The following GOLGA4 variants were observed in gnomAD, a reference collection of about 807,000 sequenced individuals.
GOLGA4 encodes the protein golgin A4.
A neutral mutation model predicts 265.9 loss-of-function variants in GOLGA4; 169 were observed. The observed-to-expected ratio is 0.64, with a 90% CI of 0.56 to 0.72. GOLGA4 has a LOEUF of 0.72. Ranked by LOEUF, GOLGA4 falls within the 30% of genes least tolerant of loss-of-function variation. GOLGA4 has a pLI of 0.00. For missense variants in GOLGA4, 2,482 were observed against 2,483.4 expected (o/e 1.00, Z 0.01); for synonymous variants, 923 against 855.8 (o/e 1.08, Z -1.37).
chr3:37,251,050 G>A (rs552499521), intron 1 of GOLGA4, among the ~76,000 whole-genome samples: 4 of 152,020 alleles, frequency 2.6e-5, no homozygotes, highest in Non-Finnish European at 5.9e-5. Flanking sequence ...TAAAGATAGT[G>A]CAGAGAGTTT....
intron 2 of GOLGA4, among the ~76,000 whole-genome samples, chr3:37,264,538 A>G (rs2096778468): frequency 1.3e-5 from 2 of 152,242 alleles, no homozygotes; most frequent in African/African-American, 2.4e-5. Context: ...TCTCTAATGT[A>G]GGACCAAATG....
chr3:37,342,540 T>A (rs955706004), intron 20 of GOLGA4, among the ~76,000 whole-genome samples: 1 of 152,312 alleles, frequency 6.6e-6, no homozygotes, highest in Middle Eastern at 3.4e-3. Context: ...TCAAGCAATA[T>A]TTTGTTTAGA....
intron 10 of GOLGA4, among the ~76,000 whole-genome samples, chr3:37,310,176 A>G (rs1486162742): frequency 6.6e-6 from 1 of 152,136 alleles, no homozygotes; most frequent in Admixed American, 6.5e-5. Flanking sequence ...TTTATTTCCT[A>G]CACTGGGAGT....
chr3:37,303,445 T>A (rs1436789559), intron 10 of GOLGA4, among the ~76,000 whole-genome samples: 1 of 152,198 alleles, frequency 6.6e-6, no homozygotes, highest in Non-Finnish European at 1.5e-5. Context: ...GGACTCTAAA[T>A]TGACTCCAAA....
chr3:37,249,361 A>G (rs2096727844), intron 1 of GOLGA4, among the ~76,000 whole-genome samples: 1 of 152,136 alleles, frequency 6.6e-6, no homozygotes, highest in Non-Finnish European at 1.5e-5. Context: ...TTTTCTAGAC[A>G]TTTAAACCAT....
In GOLGA4 at chr3:37,326,742, A is replaced by T. The variant is rs746782458; in HGVS notation, c.4856A>T (p.Glu1619Val). 3.1e-6 allele frequency: 5 copies of T among 1,613,626 alleles called. No homozygotes were observed. The highest frequency in any genetic ancestry group is 4.2e-6 in the Non-Finnish European group (5 of 1,179,724). ...GTGAATTTAAGTGTGAAAAGCAAAG[A>T]GGAGGAGTTAAAGGCATTGGAAGAT... ...EHVNLSVKSK[E>V]EELKALEDRL... The change falls in exon 14 of 24, where the codon GAG becomes GTG. Residue 1619 changes from glutamate to valine, a missense_variant. By Grantham distance (121) the Glu-to-Val change is moderately radical (BLOSUM62 -2). Around this residue, in one of 3 missense-constraint regions of GOLGA4, gnomAD observed 942 missense variants for 983.1 expected, o/e 0.96. Transcript: ENST00000361924.
At chr3:37,295,376 G>A (rs1157317481) in intron 6 of GOLGA4, among the ~76,000 whole-genome samples, 17 of 151,866 alleles carry the variant, frequency 1.1e-4, no homozygotes, top group Admixed American at 1.1e-3. Context: ...ATGCCACCAC[G>A]CCCAGCTAAT....
intron 21 of GOLGA4, among the ~76,000 whole-genome samples, chr3:37,349,561 G>C (rs578174820): frequency 6.6e-6 from 1 of 152,270 alleles, no homozygotes; most frequent in South Asian, 2.1e-4. Context: ...ACTTAAGGCT[G>C]CACAGAGAAT....
intron 11 of GOLGA4, among the ~76,000 whole-genome samples, chr3:37,318,720 C>T (rs928030319): frequency 7.2e-5 from 11 of 152,130 alleles, no homozygotes; most frequent in African/African-American, 1.2e-4. Flanking sequence ...GCAGCGAGGG[C>T]GCACCTTCAC....
chr3:37,267,212 C>T (rs2096786143), intron 2 of GOLGA4, among the ~76,000 whole-genome samples: 1 of 152,144 alleles, frequency 6.6e-6, no homozygotes, highest in African/African-American at 2.4e-5. Context: ...CTTACTCTAA[C>T]CTCTTTTTTT....
At chr3:37,263,170 A>G (rs572733894) in intron 2 of GOLGA4, among the ~76,000 whole-genome samples, 1 of 152,318 alleles carries the variant, frequency 6.6e-6, no homozygotes, top group South Asian at 2.1e-4. Flanking sequence ...TATTACAGCC[A>G]CCTACGATGT....
At chr3:37,310,718 A>AGTGT (rs200337682) in intron 10 of GOLGA4, among the ~76,000 whole-genome samples, 1 of 151,370 alleles carries the variant, frequency 6.6e-6, no homozygotes, top group Non-Finnish European at 1.5e-5. Flanking sequence ...GTATTTTTAA[A>AGTGT]GTGTGTGTGT....
intron 1 of GOLGA4, among the ~76,000 whole-genome samples, chr3:37,250,781 T>G (rs1425991060): frequency 6.6e-6 from 1 of 152,118 alleles, no homozygotes; most frequent in Non-Finnish European, 1.5e-5. Context: ...CTCCTGAGTT[T>G]TTTTGCGCTG....
rs1203456602 is a variant in GOLGA4 at position 37,340,113 on chromosome 3, G to T, written c.6397-11G>T. 9.2e-7 allele frequency: 1 copy of T among 1,084,754 alleles called. No homozygotes were observed. The highest frequency in any genetic ancestry group is 2.0e-5 in the Admixed American group (1 of 51,254). The allele number at this position is 1,084,754 out of a possible 1,614,324, so 67.2% of individuals were successfully genotyped here. A position where few individuals can be genotyped will look rare whatever the true frequency, so the allele number is the denominator to read the frequency against. On this transcript the variant is annotated splice_polypyrimidine_tract_variant and intron_variant, in intron 19 of 23. Transcript: ENST00000361924. The stretch of plus-strand genomic sequence containing the variant: ...TGAATCTTATATGGTCTGATTATTT[G>T]TTATTTTTAGATTCACAATTTAGAA...
intron 5 of GOLGA4, among the ~76,000 whole-genome samples, chr3:37,290,963 T>G (rs1044171717): frequency 1.8e-4 from 28 of 152,216 alleles, no homozygotes; most frequent in African/African-American, 6.8e-4. Flanking sequence ...AATATCTTTT[T>G]GCTTAACATT....
chr3:37,354,202 C>G (rs550191158), intron 21 of GOLGA4, among the ~76,000 whole-genome samples: 2 of 152,018 alleles, frequency 1.3e-5, no homozygotes, highest in South Asian at 4.2e-4. Flanking sequence ...AGATCACTTC[C>G]ACTCTTCTCC....
chr3:37,339,707 T>A (rs768846874), intron 19 of GOLGA4, among the ~76,000 whole-genome samples: 1 of 152,220 alleles, frequency 6.6e-6, no homozygotes, highest in Non-Finnish European at 1.5e-5. Flanking sequence ...TCTACTCAAG[T>A]CCTTTGTCCA....
At position 37,326,332 on chromosome 3, in the gene GOLGA4, T is replaced by C; in HGVS notation, c.4446T>C (p.Asn1482=). 6.2e-7 allele frequency: 1 copy of C among 1,611,956 alleles called. No individual in the cohort carries two copies. The highest frequency in any genetic ancestry group is 1.1e-5 in the South Asian group (1 of 90,476). ...CTTATGAAAAGGATGAGCAGATAAA[T>C]TTATTGAAGGAAGAGCTTGATCAGC... is the stretch of plus-strand genomic sequence containing the variant. ...KEAYEKDEQI[N]LLKEELDQQN... is the part of the protein sequence containing the mutation. The change falls in exon 14 of 24, where the codon AAT becomes AAC. Residue 1482 remains asparagine (N), a synonymous_variant. Coordinates refer to ENST00000361924, the MANE Select transcript of GOLGA4 (RefSeq NM_002078.5).
chr3:37,266,025 CAAAA>C (rs745369147), intron 2 of GOLGA4, among the ~76,000 whole-genome samples: 9 of 97,054 alleles, frequency 9.3e-5, no homozygotes, highest in African/African-American at 9.0e-5. Flanking sequence ...GACCTTGTCT[CAAAA>C]AAAAAAAAAA....
Sources: allele counts gnomAD v4.1 joint callset (sites outside exome capture counted in the v4.1 genomes callset), GRCh38; gene constraint gnomAD v4.1.1; regional missense constraint gnomAD v4.1.1; transcripts MANE v1.5; gene names NCBI Gene and HGNC (gene_info 2026-07-23, HGNC 2026-07-21).